The following NRG1 variants were observed in gnomAD, a reference collection of about 807,000 sequenced individuals.
The protein encoded by NRG1 is pro-neuregulin-1, membrane-bound isoform.
A neutral mutation model predicts 63.8 loss-of-function variants in NRG1; 18 were observed. That is an observed-to-expected ratio of 0.28 (90% CI 0.19 to 0.42). NRG1 has a LOEUF of 0.42. Among genes scored for constraint, NRG1 ranks in the 10% least tolerant of loss-of-function variants. NRG1 has a pLI of 1.00. For synonymous variants in NRG1, 302 were observed against 301.3 expected, an observed-to-expected ratio of 1.00 and a Z score of -0.02; for missense variants, 762 against 814.7, an observed-to-expected ratio of 0.94 and a Z score of 0.79.
At chr8:32,387,785 G>A (rs1235989373) in intron 1 of NRG1, among the ~76,000 whole-genome samples, 4 of 152,012 alleles carry the variant, frequency 2.6e-5, no homozygotes. Context: ...AAAAAATCCC[G>A]GTGGCTTTCT....
chr8:32,166,823 G>A (rs1839448716), intron 1 of NRG1, among the ~76,000 whole-genome samples: 1 of 152,140 alleles, frequency 6.6e-6, no homozygotes, highest in African/African-American at 2.4e-5. Flanking sequence ...ATCATAGCCA[G>A]TTTCAGACCC....
At chr8:32,579,267 T>C (rs11783353) in intron 1 of NRG1, among the ~76,000 whole-genome samples, 29,430 of 143,594 alleles carry the variant, frequency 0.2, 3,683 homozygotes, top group Admixed American at 0.35. Flanking sequence ...TGTTTAAATA[T>C]AAAAATTAGG....
intron 1 of NRG1, among the ~76,000 whole-genome samples, chr8:31,972,816 A>T (rs188971917): frequency 3.9e-5 from 6 of 152,334 alleles, no homozygotes; most frequent in Non-Finnish European, 8.8e-5. Flanking sequence ...CTGCAAGTTC[A>T]TGCTGACTGT....
intron 1 of NRG1, among the ~76,000 whole-genome samples, chr8:32,191,001 G>A (rs1344260476): frequency 1.3e-5 from 2 of 152,058 alleles, no homozygotes; most frequent in Non-Finnish European, 2.9e-5. Context: ...TGCTCCAGTT[G>A]GAGACAATAC....
At chr8:32,657,659 T>C (rs16879684) in intron 5 of NRG1, among the ~76,000 whole-genome samples, 2,259 of 152,326 alleles carry the variant, frequency 0.015, 56 homozygotes, top group African/African-American at 0.051. Flanking sequence ...TGGAATGATC[T>C]AAGGATAGTA....
At chr8:32,053,679 C>A (rs1411966497) in intron 1 of NRG1, among the ~76,000 whole-genome samples, 1 of 152,112 alleles carries the variant, frequency 6.6e-6, no homozygotes, top group Admixed American at 6.6e-5. Flanking sequence ...TTGCAAAGGG[C>A]TTTTTACTGC....
chr8:32,178,252 G>A (rs963891458), intron 1 of NRG1, among the ~76,000 whole-genome samples: 7 of 152,092 alleles, frequency 4.6e-5, no homozygotes, highest in African/African-American at 1.4e-4. Flanking sequence ...TTCTATTTTA[G>A]GTTAAGGAAT....
intron 1 of NRG1, among the ~76,000 whole-genome samples, chr8:31,792,956 C>A (rs1449564932): frequency 6.6e-6 from 1 of 152,196 alleles, no homozygotes; most frequent in African/African-American, 2.4e-5. Context: ...AATTCTCACA[C>A]CCATGTAATT....
intron 1 of NRG1, among the ~76,000 whole-genome samples, chr8:31,775,658 C>A (rs982380656): frequency 2.0e-5 from 3 of 151,724 alleles, no homozygotes; most frequent in African/African-American, 7.3e-5. Context: ...CCAAGGCAGG[C>A]GGATCATGAT....
At chr8:31,910,135 A>G (rs941933703) in intron 1 of NRG1, among the ~76,000 whole-genome samples, 3 of 152,234 alleles carry the variant, frequency 2.0e-5, no homozygotes, top group Admixed American at 1.3e-4. Flanking sequence ...CTGGGGAAAC[A>G]ATATTTAAGC....
At chr8:31,948,392 C>G (rs16878520) in intron 1 of NRG1, among the ~76,000 whole-genome samples, 1,759 of 152,250 alleles carry the variant, frequency 0.012, 31 homozygotes, top group African/African-American at 0.04. Context: ...TGCAGATAAT[C>G]TACTTGGAAG....
intron 1 of NRG1, among the ~76,000 whole-genome samples, chr8:32,242,825 AAAACTT>A (rs1396589611): frequency 6.6e-6 from 1 of 152,182 alleles, no homozygotes; most frequent in Non-Finnish European, 1.5e-5. Context: ...TAAGGAAACT[AAAACTT>A]AAAGAGTTTA....
intron 1 of NRG1, among the ~76,000 whole-genome samples, chr8:32,032,732 C>A (rs369521785): frequency 2.1e-4 from 32 of 152,102 alleles, no homozygotes; most frequent in African/African-American, 7.7e-4. Flanking sequence ...GTTACCTGTT[C>A]ACTCTAATGA....
At chr8:32,068,375 G>A (rs1476954113) in intron 1 of NRG1, among the ~76,000 whole-genome samples, 1 of 152,106 alleles carries the variant, frequency 6.6e-6, no homozygotes, top group Non-Finnish European at 1.5e-5. Context: ...GACTTAACCT[G>A]GGAAATAAAA....
chr8:32,063,471 G>A (rs1158838633), intron 1 of NRG1: 1 of 152,096 alleles, frequency 6.6e-6, no homozygotes, highest in Non-Finnish European at 1.5e-5. Context: ...ATGAAAGTGG[G>A]GAGATCTTGA....
intron 1 of NRG1, among the ~76,000 whole-genome samples, chr8:32,486,959 G>T (rs1399643134): frequency 6.6e-6 from 1 of 152,102 alleles, no homozygotes; most frequent in East Asian, 1.9e-4. Flanking sequence ...ACTCTCAATT[G>T]TCTTTCCTTC....
At position 32,189,948 on chromosome 8, in the gene NRG1, T is replaced by G. The variant is rs575954703; in HGVS notation, c.38-405880T>G. ...TGCTCATGTTAAATGAATGATACAT[T>G]CTGTTGAATTATAAACTGCCTCTCC... On this transcript the variant is annotated intron_variant, in intron 1 of 10. Transcript: ENST00000519301. Among the ~76,000 whole-genome samples, 69 of 152,314 alleles carry G rather than the reference T, an allele frequency of 4.5e-4. 1 individual carries two copies. Among genetic ancestry groups the G allele is most frequent in the African/African-American group, 1.6e-3 (65 of 41,578 alleles).
chr8:32,697,919 G>A (rs1813772808), intron 5 of NRG1, among the ~76,000 whole-genome samples: 1 of 151,988 alleles, frequency 6.6e-6, no homozygotes, highest in Admixed American at 6.6e-5. Context: ...TCAATATGCT[G>A]AAAAATGGCC....
intron 1 of NRG1, among the ~76,000 whole-genome samples, chr8:31,653,442 T>C (rs1805103739): frequency 6.6e-6 from 1 of 152,162 alleles, no homozygotes; most frequent in African/African-American, 2.4e-5. Flanking sequence ...GGTCCTGACT[T>C]TCCCCTGAAT....
Sources: allele counts gnomAD v4.1 joint callset (sites outside exome capture counted in the v4.1 genomes callset), GRCh38; gene constraint gnomAD v4.1.1; transcripts MANE v1.5; gene names NCBI Gene and HGNC (gene_info 2026-07-23, HGNC 2026-07-21).